Variants in MAST2 observed in about 807,000 individuals in gnomAD.
The protein encoded by MAST2 is microtubule associated serine/threonine kinase 2, also known as microtubule-associated serine/threonine-protein kinase 2.
A neutral mutation model predicts 147.4 loss-of-function variants in MAST2; 70 were observed. The ratio of observed to expected loss-of-function variants is 0.47; its 90% CI spans 0.39 to 0.58. The LOEUF (loss-of-function observed/expected upper bound fraction) is 0.58, where lower values mean the gene tolerates loss of function less well. Ranked by LOEUF, MAST2 falls within the 20% of genes least tolerant of loss-of-function variation. MAST2 has a pLI of 0.00. For missense variants in MAST2, 2,080 were observed against 2,302.3 expected, an observed-to-expected ratio of 0.90 and a Z score of 1.98; for synonymous variants, 869 against 896.8, an observed-to-expected ratio of 0.97 and a Z score of 0.55.
At chr1:45,924,504 A>G (rs1557913858) in intron 4 of MAST2, among the ~76,000 whole-genome samples, 1 of 152,132 alleles carries the variant, frequency 6.6e-6, no homozygotes, top group African/African-American at 2.4e-5. Context: ...GGGGACTTCC[A>G]GGGGCGGGTT....
At chr1:46,028,691 G>C in intron 17 of MAST2, 77 bp from the exon 18 acceptor site, 1 of 1,493,374 alleles carries the variant, frequency 6.7e-7, no homozygotes, top group Non-Finnish European at 9.3e-7. Context: ...CTCGAGATGG[G>C]AGCATCCCCC....
intron 5 of MAST2, among the ~76,000 whole-genome samples, chr1:45,963,144 C>T (rs1410074235): frequency 1.3e-5 from 2 of 152,166 alleles, no homozygotes; most frequent in Admixed American, 1.3e-4. Context: ...GGTACCAGTA[C>T]CATGCTGTTT....
intron 4 of MAST2, among the ~76,000 whole-genome samples, chr1:45,926,761 T>G (rs2148678935): frequency 6.6e-6 from 1 of 152,242 alleles, no homozygotes; most frequent in South Asian, 2.1e-4. Context: ...TTTTTTTGTT[T>G]TTTCATTGAA....
chr1:45,858,539 A>G (rs1645869153), intron 3 of MAST2, among the ~76,000 whole-genome samples: 1 of 149,744 alleles, frequency 6.7e-6, no homozygotes, highest in South Asian at 2.2e-4. Context: ...GTAGATTGCA[A>G]AAATTTTCCC....
rs766935025 is a variant in MAST2, at chr1:46,034,696, C to T, written c.4027C>T (p.Leu1343=). The change falls in exon 29 of 29, where the codon CTG becomes TTG. Residue 1343 remains leucine, a synonymous_variant. Coordinates refer to ENST00000361297, the MANE Select transcript of MAST2 (RefSeq NM_015112.3). The part of the protein sequence containing the change: ...PRRKSAGSIP[L]SPLAHTPSPP... ...GCGCAAGTCAGCAGGCAGCATCCCACTGTCACCACTGGCCCACACCCCTTC... is the reference window on the plus strand; with the variant it reads ...GCGCAAGTCAGCAGGCAGCATCCCATTGTCACCACTGGCCCACACCCCTTC... The T allele has an allele frequency of 1.2e-6, 2 of 1,614,206 alleles. No individual in the cohort carries two copies. The highest frequency in any genetic ancestry group is 1.1e-5 in the South Asian group (1 of 91,084).
intron 5 of MAST2, among the ~76,000 whole-genome samples, chr1:45,987,777 A>ATTTTTTTTTTTTTTT: frequency 1.0e-3 from 22 of 21,784 alleles, no homozygotes; most frequent in African/African-American, 1.1e-3. Flanking sequence ...TTTTTTTTTG[A>ATTTTTTTTTTTTTTT]TTTTTTTTTT....
intron 3 of MAST2, among the ~76,000 whole-genome samples, chr1:45,879,294 CTGGCA>C (rs1486678243): frequency 6.6e-6 from 1 of 152,126 alleles, no homozygotes; most frequent in Non-Finnish European, 1.5e-5. Context: ...CTCTACTGGC[CTGGCA>C]TGGTGGCTCA....
At position 45,844,396 on chromosome 1, in the gene MAST2, C is replaced by T. The variant is rs1645367783; in HGVS notation, c.468+14815C>T. On this transcript the variant is annotated intron_variant, in intron 3 of 28. Transcript: ENST00000361297. Reference sequence around the variant, plus strand: ...CTCCCAGGTTCAAGTGATTCTCCTGCTTCAGTTTCCTGAGTAGCTGGGATT... The same window carrying T: ...CTCCCAGGTTCAAGTGATTCTCCTGTTTCAGTTTCCTGAGTAGCTGGGATT... Among the ~76,000 whole-genome samples, 10 of 152,298 alleles carry T rather than the reference C, an allele frequency of 6.6e-5. 1 individual carries two copies. The South Asian group carries it at 2.1e-3, about 32-fold the overall frequency.
intron 4 of MAST2, among the ~76,000 whole-genome samples, chr1:45,925,661 C>CT (rs1489024003): frequency 6.6e-6 from 1 of 152,196 alleles, no homozygotes; most frequent in East Asian, 1.9e-4. Context: ...TTGCCATAGA[C>CT]TTTGTCAGCC....
rs1448148077 is a variant in MAST2 at position 46,022,082 on chromosome 1, G to A, written c.1423G>A (p.Glu475Lys). Residue 475 changes from glutamate to lysine, a missense_variant and splice_region_variant, in exon 12 of 29, where the codon GAA (glutamate) becomes AAA (lysine). This residue lies in a region of MAST2 where 569 missense variants were observed against 642.5 expected (regional missense o/e 0.89). Transcript: ENST00000361297. Reference protein sequence around the residue: ...QLGLTRDPLEEMAQLSSCDSP... With the variant: ...QLGLTRDPLEKMAQLSSCDSP... Reference sequence around the variant, plus strand: ...GGGCCTCACCCGGGATCCCCTAGAAGGTGAGCATGCTGCCTAGTGGCTGCA... The same window carrying A: ...GGGCCTCACCCGGGATCCCCTAGAAAGTGAGCATGCTGCCTAGTGGCTGCA... 1.2e-6 allele frequency: 2 copies of A among 1,614,054 alleles called. No homozygotes were observed. Among genetic ancestry groups the A allele is most frequent in the South Asian group, 2.2e-5 (2 of 91,080 alleles).
chr1:45,906,528 TTTA>T (rs1256050197), intron 4 of MAST2, among the ~76,000 whole-genome samples: 3 of 147,964 alleles, frequency 2.0e-5, no homozygotes, highest in Admixed American at 6.7e-5. Context: ...CTAAGATTAA[TTTA>T]TTGTTAAAAA....
rs529669709 is a variant in MAST2 at position 46,029,620 on chromosome 1, G to A, written c.2320+53G>A. The stretch of plus-strand genomic sequence containing the variant: ...ACTACTTGGAAAAGGGGTAAGGGAG[G>A]CTGAGTCATGTACCCTGGAGGTTCA... On this transcript the variant is annotated intron_variant, in intron 19 of 28. Transcript: ENST00000361297. 176 of 1,544,154 alleles carry A rather than the reference G, an allele frequency of 1.1e-4. 1 individual carries two copies. The highest frequency in any genetic ancestry group is 1.4e-4 in the Non-Finnish European group (152 of 1,124,652).
intron 10 of MAST2, chr1:46,011,165 C>T (rs567624990): frequency 8.8e-6 from 5 of 568,294 alleles, no homozygotes; most frequent in South Asian, 8.7e-5. Flanking sequence ...TTTCTAAATC[C>T]AAAATTATAT....
chr1:45,913,280 C>T (rs1018451868), intron 4 of MAST2, among the ~76,000 whole-genome samples: 15 of 152,206 alleles, frequency 9.9e-5, no homozygotes, highest in South Asian at 2.1e-4. Flanking sequence ...GCTGCAGAAA[C>T]GCCCACATAG....
intron 4 of MAST2, among the ~76,000 whole-genome samples, chr1:45,928,034 T>C (rs1436773809): frequency 6.6e-6 from 1 of 152,204 alleles, no homozygotes; most frequent in African/African-American, 2.4e-5. Context: ...TACTTCTGTT[T>C]CTAGAACTAG....
intron 4 of MAST2, among the ~76,000 whole-genome samples, chr1:45,935,198 C>T (rs1395529822): frequency 6.6e-6 from 1 of 152,076 alleles, no homozygotes; most frequent in Non-Finnish European, 1.5e-5. Context: ...TGTGTGTCTT[C>T]TGAGGAGTGT....
chr1:46,035,845 C>T lies in MAST2; in HGVS notation c.5176C>T (p.Leu1726=), dbSNP rs1646883654. 1 of 1,614,106 alleles carries T rather than the reference C, an allele frequency of 6.2e-7. No individual in the cohort carries two copies. The highest frequency in any genetic ancestry group is 8.5e-7 in the Non-Finnish European group (1 of 1,180,032). The change falls in exon 29 of 29, where the codon CTA becomes TTA. Residue 1726 remains leucine, a synonymous_variant. Transcript: ENST00000361297. The surrounding 1 kb of genome is among the most constrained non-coding windows in gnomAD (Gnocchi z 5.5). ...TTATGAGGATCCCAGCCAGGGCTGG[C>T]TATGGGAGTCTGAGTGTGCACAAGC... is the stretch of plus-strand genomic sequence containing the variant. ...PSYEDPSQGW[L]WESECAQAVK... is the part of the protein sequence containing the mutation.
intron 4 of MAST2, among the ~76,000 whole-genome samples, chr1:45,931,221 T>C (rs974829760): frequency 4.6e-5 from 7 of 152,184 alleles, no homozygotes; most frequent in African/African-American, 1.7e-4. Context: ...TTGTAGTTAT[T>C]TCCTCAACTT....
At chr1:45,912,521 A>G (rs1198469210) in intron 4 of MAST2, among the ~76,000 whole-genome samples, 1 of 152,246 alleles carries the variant, frequency 6.6e-6, no homozygotes, top group Non-Finnish European at 1.5e-5. Context: ...ATGTCTTACT[A>G]AAGAGGTGTG....
Sources: allele counts gnomAD v4.1 joint callset (sites outside exome capture counted in the v4.1 genomes callset), GRCh38; gene constraint gnomAD v4.1.1; regional missense constraint gnomAD v4.1.1; non-coding constraint Gnocchi (gnomAD v3.1); transcripts MANE v1.5; gene names NCBI Gene and HGNC (gene_info 2026-07-23, HGNC 2026-07-21).